NKAIN2: variants seen among roughly 807,000 people sequenced by gnomAD.
NKAIN2 encodes the protein sodium/potassium transporting ATPase interacting 2, also known as sodium/potassium-transporting ATPase subunit beta-1-interacting protein 2.
NKAIN2 carries 14 observed loss-of-function variants against 32.6 expected under a neutral mutation model. The ratio of observed to expected loss-of-function variants is 0.43; its 90% CI spans 0.28 to 0.67. The LOEUF (loss-of-function observed/expected upper bound fraction) is 0.67. NKAIN2 is among the 30% of genes least tolerant of loss of function. The pLI is 0.17. For missense variants in NKAIN2, 198 were observed against 258.3 expected, an observed-to-expected ratio of 0.77 and a Z score of 1.60; for synonymous variants, 80 against 87.2, an observed-to-expected ratio of 0.92 and a Z score of 0.46.
intron 1 of NKAIN2, among the ~76,000 whole-genome samples, chr6:124,267,141 G>T (rs1794526950): frequency 6.6e-6 from 1 of 151,600 alleles, no homozygotes; most frequent in African/African-American, 2.4e-5. Context: ...GAACTCTGAA[G>T]AACAGTGCAG....
chr6:124,549,032 A>G (rs1780194255), intron 3 of NKAIN2, among the ~76,000 whole-genome samples: 1 of 152,030 alleles, frequency 6.6e-6, no homozygotes, highest in South Asian at 2.1e-4. Flanking sequence ...TCTTTTGAGA[A>G]ACTTTGATGC....
intron 1 of NKAIN2, among the ~76,000 whole-genome samples, chr6:124,024,727 G>A (rs1781028220): frequency 6.6e-6 from 1 of 152,104 alleles, no homozygotes; most frequent in Non-Finnish European, 1.5e-5. Flanking sequence ...GGTGGCTCAT[G>A]CCTGTAATCC....
At chr6:124,685,919 A>G (rs1773850104) in intron 4 of NKAIN2, among the ~76,000 whole-genome samples, 1 of 152,196 alleles carries the variant, frequency 6.6e-6, no homozygotes, top group South Asian at 2.1e-4. Flanking sequence ...TTTCAAGCCC[A>G]GCTTAGCTGA....
chr6:123,874,119 C>G (rs2114297211), intron 1 of NKAIN2, among the ~76,000 whole-genome samples: 1 of 152,286 alleles, frequency 6.6e-6, no homozygotes, highest in South Asian at 2.1e-4. Context: ...TAACCCTGAC[C>G]TGTCCTGTGG....
intron 3 of NKAIN2, among the ~76,000 whole-genome samples, chr6:124,439,858 A>G (rs1052322634): frequency 6.6e-6 from 1 of 151,852 alleles, no homozygotes; most frequent in African/African-American, 2.4e-5. Context: ...CTCCTTGTCT[A>G]TCTCCTTCCT....
intron 1 of NKAIN2, among the ~76,000 whole-genome samples, chr6:124,231,185 A>C (rs1289436756): frequency 6.6e-6 from 1 of 152,218 alleles, no homozygotes; most frequent in Non-Finnish European, 1.5e-5. Context: ...TTGGACTTGC[A>C]TGGGGCCTGT....
At chr6:123,804,923 C>A (rs342609) in intron 1 of NKAIN2, among the ~76,000 whole-genome samples, 117,094 of 152,092 alleles carry the variant, frequency 0.77, 45,866 homozygotes, top group Middle Eastern at 0.84. Context: ...CCAAGAAAAA[C>A]TATTCTGTCT....
chr6:124,287,217 A>G (rs921145784), intron 2 of NKAIN2, among the ~76,000 whole-genome samples: 1 of 152,184 alleles, frequency 6.6e-6, no homozygotes, highest in Admixed American at 6.5e-5. Flanking sequence ...AGTCTTCATT[A>G]TCCTTATGTC....
chr6:123,942,867 C>G (rs1776884187), intron 1 of NKAIN2, among the ~76,000 whole-genome samples: 1 of 151,964 alleles, frequency 6.6e-6, no homozygotes, highest in African/African-American at 2.4e-5. Context: ...TGCATTGTAA[C>G]CACAACTCAG....
At chr6:124,682,626 C>T (rs1773676788) in intron 4 of NKAIN2, among the ~76,000 whole-genome samples, 1 of 152,020 alleles carries the variant, frequency 6.6e-6, no homozygotes, top group African/African-American at 2.4e-5. Context: ...GAAAATGCTA[C>T]CAATATTTGT....
intron 3 of NKAIN2, among the ~76,000 whole-genome samples, chr6:124,612,787 G>A (rs998831164): frequency 1.3e-5 from 2 of 152,122 alleles, no homozygotes; most frequent in Non-Finnish European, 2.9e-5. Context: ...AAATCTTAAA[G>A]AGCAAATAGT....
intron 1 of NKAIN2, among the ~76,000 whole-genome samples, chr6:124,264,691 AGCAGC>A (rs1794408184): frequency 6.6e-6 from 1 of 152,218 alleles, no homozygotes; most frequent in African/African-American, 2.4e-5. Flanking sequence ...GATGCTGAAT[AGCAGC>A]TACCATAGCC....
chr6:124,296,781 GA>G (rs2114963080), intron 2 of NKAIN2, among the ~76,000 whole-genome samples: 1 of 152,286 alleles, frequency 6.6e-6, no homozygotes, highest in East Asian at 1.9e-4. Flanking sequence ...TAAAATCAAG[GA>G]AATAGGAATT....
chr6:124,808,607 CAA>C (rs1780713527), intron 5 of NKAIN2, among the ~76,000 whole-genome samples: 1 of 152,108 alleles, frequency 6.6e-6, no homozygotes, highest in African/African-American at 2.4e-5. Context: ...CACTCCTATT[CAA>C]CATAGTGTTG....
chr6:124,443,426 G>A (rs988630356), intron 3 of NKAIN2, among the ~76,000 whole-genome samples: 2 of 152,062 alleles, frequency 1.3e-5, no homozygotes, highest in Non-Finnish European at 2.9e-5. Flanking sequence ...GTTTCTGATC[G>A]CATATGACAT....
At chr6:124,304,515 C>T (rs535235375) in intron 2 of NKAIN2, among the ~76,000 whole-genome samples, 21 of 152,134 alleles carry the variant, frequency 1.4e-4, no homozygotes, top group African/African-American at 2.6e-4. Context: ...AGTAGAAAAA[C>T]GGCTGAAAGA....
chr6:124,248,013 T>C (rs1015189581), intron 1 of NKAIN2, among the ~76,000 whole-genome samples: 4 of 152,114 alleles, frequency 2.6e-5, no homozygotes, highest in Admixed American at 2.0e-4. Flanking sequence ...ATCATACCAC[T>C]CTTTAAAATC....
intron 1 of NKAIN2, among the ~76,000 whole-genome samples, chr6:124,170,716 C>G (rs1788800431): frequency 6.6e-6 from 1 of 151,998 alleles, no homozygotes; most frequent in African/African-American, 2.4e-5. Context: ...ATTTAGAATA[C>G]GAAAGTATAA....
rs1373787048 is a variant in NKAIN2, at chr6:124,635,793, C to T, written c.274-22393C>T. Among the ~76,000 whole-genome samples the T allele has an allele frequency of 3.3e-5, 5 of 151,920 alleles. No individual in the cohort carries two copies. In the East Asian group the frequency reaches 9.7e-4, roughly 29 times the overall value. ...CAATGGAGCACCCAGATACATAAAG[C>T]AAATATTATTAGTGCCAAAGAGAGA... On this transcript the variant is annotated intron_variant, in intron 3 of 6. Transcript: ENST00000368417.
Sources: allele counts gnomAD v4.1 joint callset (sites outside exome capture counted in the v4.1 genomes callset), GRCh38; gene constraint gnomAD v4.1.1; transcripts MANE v1.5; gene names NCBI Gene and HGNC (gene_info 2026-07-23, HGNC 2026-07-21).